Variants in GLIS3 observed in about 807,000 individuals in gnomAD.
GLIS3 encodes the protein GLIS family zinc finger 3, also known as zinc finger protein GLIS3.
A neutral mutation model predicts 78.6 loss-of-function variants in GLIS3; 53 were observed. That is an observed-to-expected ratio of 0.67 (90% confidence interval 0.54 to 0.85). GLIS3 has a LOEUF of 0.85. Among genes scored for constraint, GLIS3 ranks in the 40% least tolerant of loss-of-function variants. The pLI is 0.00. For missense variants in GLIS3, 1,703 were observed against 1,231.1 expected (o/e 1.38, Z -5.74); for synonymous variants, 684 against 509.9 (o/e 1.34, Z -4.60).
chr9:4,300,832 C>T (rs1290024278), upstream of GLIS3, among the ~76,000 whole-genome samples: 1 of 151,934 alleles, frequency 6.6e-6, no homozygotes. Flanking sequence ...GGACTTCCAT[C>T]TTGGGAATCT....
the GLIS3 span, among the ~76,000 whole-genome samples, chr9:4,457,123 G>C: frequency 6.6e-6 from 1 of 152,132 alleles, no homozygotes; most frequent in African/African-American, 2.4e-5. Flanking sequence ...AGAGCTTTGG[G>C]AGGCTGAGGT....
At position 4,047,745 on chromosome 9, in the gene GLIS3, G is replaced by A. The variant is rs902967509; in HGVS notation, c.1710+70023C>T. Among the ~76,000 whole-genome samples, 7 of 152,166 alleles carry A rather than the reference G, an allele frequency of 4.6e-5. 1 individual carries two copies. The highest frequency in any genetic ancestry group is 3.9e-4 in the Admixed American group (6 of 15,274). On this transcript the variant is annotated intron_variant, in intron 4 of 10. Coordinates refer to ENST00000381971, the MANE Select transcript of GLIS3 (RefSeq NM_001042413.2). Reference sequence around the variant, plus strand: ...TGCTACCCCATGCCAGCACAGAAAAGGGAACCCTAGTTGATTCAGGAATGT... The same window carrying A: ...TGCTACCCCATGCCAGCACAGAAAAAGGAACCCTAGTTGATTCAGGAATGT...
At chr9:4,402,604 A>G in the GLIS3 span, among the ~76,000 whole-genome samples, 4 of 152,240 alleles carry the variant, frequency 2.6e-5, no homozygotes, top group Non-Finnish European at 4.4e-5. Context: ...GAATTCTATC[A>G]GATAAATTTA....
At chr9:4,448,473 T>A in the GLIS3 span, among the ~76,000 whole-genome samples, 7 of 152,226 alleles carry the variant, frequency 4.6e-5, no homozygotes, top group Non-Finnish European at 8.8e-5. Context: ...CAAAGTGGCT[T>A]ACAGGCAGTC....
intron 1 of GLIS3, among the ~76,000 whole-genome samples, chr9:4,298,075 A>T (rs918455467): frequency 6.6e-6 from 1 of 152,088 alleles, no homozygotes; most frequent in Non-Finnish European, 1.5e-5. Context: ...CAGCGCAACA[A>T]AACAAACTAG....
chr9:4,191,330 C>A (rs967086213), intron 2 of GLIS3, among the ~76,000 whole-genome samples: 2 of 152,136 alleles, frequency 1.3e-5, no homozygotes, highest in Non-Finnish European at 2.9e-5. Context: ...GTATTTTCAA[C>A]TGAGCATTTT....
intron 7 of GLIS3, among the ~76,000 whole-genome samples, chr9:3,896,779 G>A (rs1329519096): frequency 6.6e-6 from 1 of 151,326 alleles, no homozygotes; most frequent in African/African-American, 2.4e-5. Context: ...TGTTTCAAGT[G>A]TTCTCAAGAG....
intron 9 of GLIS3, among the ~76,000 whole-genome samples, chr9:3,839,819 G>A (rs1020354243): frequency 2.0e-5 from 3 of 152,200 alleles, no homozygotes; most frequent in African/African-American, 7.2e-5. Context: ...ATTTTGGAAA[G>A]TGCAGATATT....
chr9:4,048,871 T>C (rs1326456034), intron 4 of GLIS3, among the ~76,000 whole-genome samples: 1 of 152,192 alleles, frequency 6.6e-6, no homozygotes, highest in Non-Finnish European at 1.5e-5. Flanking sequence ...AAACAGGCAA[T>C]GTAGACCTCC....
At position 4,073,350 on chromosome 9, in the gene GLIS3, G is replaced by A. The variant is rs192221075; in HGVS notation, c.1710+44418C>T. On this transcript the variant is annotated intron_variant, in intron 4 of 10. Coordinates refer to ENST00000381971, the MANE Select transcript of GLIS3 (RefSeq NM_001042413.2). The stretch of plus-strand genomic sequence containing the variant: ...GATTTGCTGTATCTTCCAATCACCA[G>A]GTCTCACAGCACACCTTTTGGATTC... 2.2e-3 allele frequency among the ~76,000 whole-genome samples: 330 copies of A among 152,222 alleles called. 2 individuals carry two copies. Among genetic ancestry groups the A allele is most frequent in the African/African-American group, 7.6e-3 (315 of 41,550 alleles).
At chr9:4,268,632 C>T (rs968534800) in intron 2 of GLIS3, among the ~76,000 whole-genome samples, 1 of 152,230 alleles carries the variant, frequency 6.6e-6, no homozygotes, top group Admixed American at 6.5e-5. Context: ...AGGTATAATC[C>T]CTGACTTCTG....
chr9:4,141,281 G>A (rs533614861), intron 2 of GLIS3, among the ~76,000 whole-genome samples: 1 of 152,338 alleles, frequency 6.6e-6, no homozygotes, highest in Admixed American at 6.5e-5. Flanking sequence ...TCCCTGAGTA[G>A]CAAGACAGCT....
the GLIS3 span, among the ~76,000 whole-genome samples, chr9:4,481,137 T>G: frequency 5.3e-5 from 8 of 150,678 alleles, no homozygotes; most frequent in Non-Finnish European, 1.2e-4. Context: ...ATTACAGGCA[T>G]AAGCCACCTC....
At chr9:4,328,163 G>A (rs994599100) in intron 2 of GLIS3, among the ~76,000 whole-genome samples, 1 of 152,158 alleles carries the variant, frequency 6.6e-6, no homozygotes, top group African/African-American at 2.4e-5. Context: ...AGTAAGTCAT[G>A]TCCTGTTAGA....
chr9:4,359,729 G>A, the GLIS3 span, among the ~76,000 whole-genome samples: 12 of 152,106 alleles, frequency 7.9e-5, no homozygotes, highest in Non-Finnish European at 1.8e-4. Flanking sequence ...AACAGACATT[G>A]ATTTCTGCTG....
the GLIS3 span, among the ~76,000 whole-genome samples, chr9:4,467,480 G>A: frequency 6.6e-6 from 1 of 152,174 alleles, no homozygotes. Flanking sequence ...TGCAATATTT[G>A]CTGTTCCGCA....
intron 2 of GLIS3, among the ~76,000 whole-genome samples, chr9:4,345,880 T>C (rs1817891537): frequency 6.6e-6 from 1 of 152,190 alleles, no homozygotes; most frequent in South Asian, 2.1e-4. Context: ...GTTTTAAGCA[T>C]CAGAGCACAA....
intron 2 of GLIS3, among the ~76,000 whole-genome samples, chr9:4,160,703 T>C (rs1442230119): frequency 6.6e-6 from 1 of 152,226 alleles, no homozygotes; most frequent in African/African-American, 2.4e-5. Context: ...TTATCCCAGA[T>C]TACAAATAAT....
At chr9:4,477,303 C>A in the GLIS3 span, among the ~76,000 whole-genome samples, 6 of 148,350 alleles carry the variant, frequency 4.0e-5, no homozygotes, top group Non-Finnish European at 5.9e-5. Context: ...TTGAAATTAG[C>A]CACTCACAAA....
Sources: gnomAD v4.1 joint callset for allele counts (sites outside exome capture counted in the v4.1 genomes callset) on GRCh38, gnomAD v4.1.1 for gene constraint, MANE v1.5 for transcripts, NCBI Gene and HGNC (gene_info 2026-07-23, HGNC 2026-07-21) for gene names.